Variants in LEPR observed in about 807,000 individuals in gnomAD.
LEPR encodes the protein OB receptor.
Under a neutral mutation model 114.7 loss-of-function variants are expected in LEPR, and 56 were observed. That is an observed-to-expected ratio of 0.49 (90% confidence interval 0.39 to 0.61). LEPR has a LOEUF of 0.61. LEPR is among the 20% of genes least tolerant of loss of function. The pLI is 0.00. For missense variants in LEPR, 1,202 were observed against 1,352.9 expected, an observed-to-expected ratio of 0.89 and a Z score of 1.75; for synonymous variants, 443 against 461.4, an observed-to-expected ratio of 0.96 and a Z score of 0.51.
chr1:65,551,240 A>G (rs1191305219), intron 2 of LEPR, among the ~76,000 whole-genome samples: 1 of 152,098 alleles, frequency 6.6e-6, no homozygotes, highest in Non-Finnish European at 1.5e-5. Flanking sequence ...TAAACGAGTT[A>G]TGGAGGAATC....
rs117597400 is a variant in LEPR at position 65,536,373 on chromosome 1, C to T, written c.-20-29173C>T. On this transcript the variant is annotated intron_variant, in intron 2 of 19. Coordinates refer to ENST00000349533, the MANE Select transcript of LEPR (RefSeq NM_002303.6). ...CCCTCACCAGATGCAGTACAGGTGC[C>T]GGTGCCATGCTTCTTGTATCGCCTG... Among the ~76,000 whole-genome samples, 945 of 152,168 alleles carry T rather than the reference C, an allele frequency of 6.2e-3. 24 individuals are homozygous for T. The East Asian group carries it at 0.069, about 11-fold the overall frequency.
chr1:65,578,901 C>T (rs1325052408), intron 5 of LEPR, among the ~76,000 whole-genome samples: 1 of 152,112 alleles, frequency 6.6e-6, no homozygotes, highest in African/African-American at 2.4e-5. Flanking sequence ...TAGTGTTAGA[C>T]CACTGGACTA....
chr1:65,590,888 T>C (rs2100889434), intron 5 of LEPR, among the ~76,000 whole-genome samples: 1 of 151,792 alleles, frequency 6.6e-6, no homozygotes, highest in South Asian at 2.1e-4. Flanking sequence ...TTTGCTCTTT[T>C]TTTTTTTTCC....
At chr1:65,449,408 T>C (rs920841272) in intron 2 of LEPR, among the ~76,000 whole-genome samples, 2 of 152,134 alleles carry the variant, frequency 1.3e-5, no homozygotes, top group African/African-American at 4.8e-5. Context: ...TCCTGTTCCC[T>C]GTGCTCCCCT....
chr1:65,488,202 TTCTTTCTTTCTCTCTCTCTCTC>T lies in LEPR; in HGVS notation c.-21+62828_-21+62849del, dbSNP rs1379326935. ...TTTCTTTCTTTCTTTCTTTCTTTCT[TTCTTTCTTTCTCTCTCTCTCTC>T]TCTCTTTCTTTCTTTCTTTCTTTCT... is the stretch of plus-strand genomic sequence containing the variant. On this transcript the variant is annotated intron_variant, in intron 2 of 19. Coordinates refer to ENST00000349533, the MANE Select transcript of LEPR (RefSeq NM_002303.6). 1.9e-3 allele frequency among the ~76,000 whole-genome samples: 55 copies of T among 29,410 alleles called. 1 individual carries two copies. The highest frequency in any genetic ancestry group is 3.1e-3 in the Non-Finnish European group (46 of 14,632). 19.3% of individuals were successfully genotyped at this position (29,410 alleles called of 152,430 possible).
chr1:65,611,836 A>G (rs1657189123), intron 14 of LEPR, among the ~76,000 whole-genome samples: 1 of 152,248 alleles, frequency 6.6e-6, no homozygotes, highest in Non-Finnish European at 1.5e-5. Context: ...TGACTCAGCA[A>G]CTGAATTTTA....
intron 3 of LEPR, among the ~76,000 whole-genome samples, chr1:65,569,961 T>G (rs1344136241): frequency 6.6e-6 from 1 of 151,778 alleles, no homozygotes; most frequent in Non-Finnish European, 1.5e-5. Context: ...ATCATCATGT[T>G]GAAGACAAAT....
intron 11 of LEPR, among the ~76,000 whole-genome samples, chr1:65,608,333 C>A (rs960479193): frequency 2.6e-5 from 4 of 151,738 alleles, no homozygotes; most frequent in African/African-American, 7.3e-5. Flanking sequence ...CGGGTTCATG[C>A]CATTCTCCTG....
At chr1:65,451,326 G>C (rs1032048514) in intron 2 of LEPR, among the ~76,000 whole-genome samples, 1 of 152,046 alleles carries the variant, frequency 6.6e-6, no homozygotes, top group Non-Finnish European at 1.5e-5. Context: ...CATTGCTCTT[G>C]GTGTTTTAGA....
intron 5 of LEPR, among the ~76,000 whole-genome samples, chr1:65,575,396 A>G (rs1654513628): frequency 6.6e-6 from 1 of 150,740 alleles, no homozygotes; most frequent in Non-Finnish European, 1.5e-5. Flanking sequence ...ACGCATACCT[A>G]CCTTTCCCTA....
intron 2 of LEPR, among the ~76,000 whole-genome samples, chr1:65,477,520 A>G (rs926327557): frequency 2.0e-5 from 3 of 152,228 alleles, no homozygotes; most frequent in African/African-American, 7.2e-5. Flanking sequence ...TGTGGAAGGT[A>G]TATTTTTAAT....
At chr1:65,550,667 G>A (rs937699886) in intron 2 of LEPR, among the ~76,000 whole-genome samples, 10 of 152,140 alleles carry the variant, frequency 6.6e-5, no homozygotes, top group African/African-American at 1.9e-4. Context: ...TAAGCCTGTC[G>A]GAAAAGCTCA....
At chr1:65,598,948 G>GC in intron 8 of LEPR, 144 bp downstream of exon 8, 1 of 1,217,984 alleles carries the variant, frequency 8.2e-7, no homozygotes, top group Non-Finnish European at 1.1e-6. Flanking sequence ...CTTTGAACAG[G>GC]CCAATTTGTG....
chr1:65,432,355 A>C (rs1646497833), intron 2 of LEPR: 4 of 978,698 alleles, frequency 4.1e-6, no homozygotes, highest in Non-Finnish European at 3.6e-6. Flanking sequence ...CCCACAGACC[A>C]AGAGCCTCAA....
intron 2 of LEPR, among the ~76,000 whole-genome samples, chr1:65,523,016 T>C (rs376133448): frequency 6.6e-6 from 1 of 152,350 alleles, no homozygotes; most frequent in East Asian, 1.9e-4. Flanking sequence ...GCTTCAGGTA[T>C]GTACCCAATA....
chr1:65,492,658 A>G (rs1336879335), intron 2 of LEPR, among the ~76,000 whole-genome samples: 1 of 151,950 alleles, frequency 6.6e-6, no homozygotes, highest in Non-Finnish European at 1.5e-5. Flanking sequence ...GGGTTACTTC[A>G]TATTATTTTC....
intron 2 of LEPR, among the ~76,000 whole-genome samples, chr1:65,529,042 T>A (rs1650185092): frequency 6.6e-6 from 1 of 151,838 alleles, no homozygotes; most frequent in Non-Finnish European, 1.5e-5. Context: ...CTCAATCTCC[T>A]GACCTCATGA....
At chr1:65,481,062 C>T (rs1647224054) in intron 2 of LEPR, among the ~76,000 whole-genome samples, 1 of 152,100 alleles carries the variant, frequency 6.6e-6, no homozygotes, top group South Asian at 2.1e-4. Context: ...GTTTGGTTTC[C>T]CCTGAGGCCT....
At chr1:65,547,137 T>G (rs909745880) in intron 2 of LEPR, among the ~76,000 whole-genome samples, 5 of 151,566 alleles carry the variant, frequency 3.3e-5, no homozygotes, top group African/African-American at 1.2e-4. Flanking sequence ...TGAACCAGCC[T>G]TGCATCCCAG....
Sources: gnomAD v4.1 joint callset for allele counts (sites outside exome capture counted in the v4.1 genomes callset) on GRCh38, gnomAD v4.1.1 for gene constraint, MANE v1.5 for transcripts, NCBI Gene and HGNC (gene_info 2026-07-23, HGNC 2026-07-21) for gene names.